SHROOM4: variants seen among roughly 807,000 people sequenced by gnomAD.
SHROOM4 encodes the protein protein Shroom4.
SHROOM4 carries 17 observed loss-of-function variants against 80.3 expected under a neutral mutation model. The ratio of observed to expected loss-of-function variants is 0.21; its 90% confidence interval spans 0.14 to 0.32. The LOEUF is 0.32. Ranked by LOEUF, SHROOM4 falls within the 10% of genes least tolerant of loss-of-function variation. The pLI is 1.00. For missense variants in SHROOM4, 993 were observed against 1,140.3 expected (o/e 0.87, Z 1.86); for synonymous variants, 400 against 437.5 (o/e 0.91, Z 1.07).
chrX:50,795,053 T>G (rs200749740), intron 1 of SHROOM4, among the ~76,000 whole-genome samples: 2 of 49,895 alleles, frequency 4.0e-5, no homozygotes, highest in African/African-American at 1.4e-4. Context: ...ATATATATGA[T>G]ATATATATGA....
chrX:50,629,420 G>A (rs1673490345), intron 4 of SHROOM4, among the ~76,000 whole-genome samples: 1 of 111,796 alleles, frequency 8.9e-6, no homozygotes. Flanking sequence ...TGCGGCCTCA[G>A]GCAAGCCATT....
chrX:50,653,296 T>G (rs969288993), intron 2 of SHROOM4, among the ~76,000 whole-genome samples: 2 of 111,449 alleles, frequency 1.8e-5, no homozygotes, highest in Admixed American at 9.6e-5. Flanking sequence ...TTGTAAGTTG[T>G]ATTCCTAGGT....
Position 50,674,218 on chromosome X carries a change from T to C in SHROOM4, c.269+21568A>G, listed in dbSNP as rs782557579. 4.5e-5 allele frequency among the ~76,000 whole-genome samples: 5 copies of C among 111,575 alleles called. No individual in the cohort carries two copies. The South Asian group carries it at 1.9e-3, about 41-fold the overall frequency. ...AGTTCCTATCAAAATCTCATCAAGA[T>C]ATTTTCTTGATATAGACACAATTGT... On this transcript the variant is annotated intron_variant, in intron 2 of 8. Transcript: ENST00000376020.
chrX:50,727,787 C>T (rs1429150047), intron 1 of SHROOM4, among the ~76,000 whole-genome samples: 1 of 111,729 alleles, frequency 9.0e-6, no homozygotes, highest in African/African-American at 3.3e-5. Flanking sequence ...TGAATATACC[C>T]TATACCAGGA....
chrX:50,757,120 G>A (rs1237193687), intron 1 of SHROOM4, among the ~76,000 whole-genome samples: 1 of 112,114 alleles, frequency 8.9e-6, no homozygotes, highest in African/African-American at 3.2e-5. Flanking sequence ...TATAGTTTAA[G>A]CTCTTATACT....
intron 5 of SHROOM4, among the ~76,000 whole-genome samples, chrX:50,618,358 T>A (rs1317323040): frequency 9.7e-5 from 2 of 20,538 alleles, no homozygotes; most frequent in African/African-American, 4.4e-4. Flanking sequence ...CTTCCTTCCT[T>A]CCTTCCTTCC....
rs926620651 is a variant in SHROOM4, at chrX:50,641,358, A to T, written c.270-3050T>A. 2.0e-4 allele frequency among the ~76,000 whole-genome samples: 22 copies of T among 112,518 alleles called. No individual in the cohort carries two copies. The Admixed American group carries it at 2.0e-3, about 10-fold the overall frequency. On this transcript the variant is annotated intron_variant, in intron 2 of 8. Coordinates refer to ENST00000376020, the MANE Select transcript of SHROOM4 (RefSeq NM_020717.5). ...ATCTGAAATTTAGTTTTCTTATCTG[A>T]GAAAGGAAACAATAATTCCTATCTG...
chrX:50,691,062 C>T (rs1933207865), intron 2 of SHROOM4, among the ~76,000 whole-genome samples: 1 of 112,462 alleles, frequency 8.9e-6, no homozygotes, highest in Non-Finnish European at 1.9e-5. Flanking sequence ...AGTCTATAAA[C>T]AATTTTCAAA....
chrX:50,697,679 C>G (rs1164886842), intron 1 of SHROOM4, among the ~76,000 whole-genome samples: 1 of 111,573 alleles, frequency 9.0e-6, no homozygotes, highest in Non-Finnish European at 1.9e-5. Flanking sequence ...ACACTCAACA[C>G]CAAACAAGCC....
At position 50,717,265 on chromosome X, in the gene SHROOM4, T is replaced by G. The variant is rs1933980786; in HGVS notation, c.118-21328A>C. 3.6e-5 allele frequency among the ~76,000 whole-genome samples: 4 copies of G among 111,875 alleles called. No individual in the cohort carries two copies. In the South Asian group the frequency reaches 1.5e-3, roughly 42 times the overall value. Reference sequence around the variant, plus strand: ...ACAGAGTCTTGCTCCATCACCAGGCTGCAGTGCATTGGTGCGATCTCAGCT... The same window carrying G: ...ACAGAGTCTTGCTCCATCACCAGGCGGCAGTGCATTGGTGCGATCTCAGCT... On this transcript the variant is annotated intron_variant, in intron 1 of 8. Transcript: ENST00000376020.
chrX:50,638,915 C>G (rs1602393749), intron 2 of SHROOM4, among the ~76,000 whole-genome samples: 1 of 112,525 alleles, frequency 8.9e-6, no homozygotes, highest in African/African-American at 3.2e-5. Flanking sequence ...TAGGTATTGA[C>G]AGAGTGAAAG....
At chrX:50,813,328 G>C (rs1557273670) in intron 1 of SHROOM4, among the ~76,000 whole-genome samples, 1 of 112,061 alleles carries the variant, frequency 8.9e-6, no homozygotes, top group South Asian at 3.7e-4. Context: ...CGAACCGGCG[G>C]CAACAACGCC....
At chrX:50,791,169 A>G (rs1557271485) in intron 1 of SHROOM4, among the ~76,000 whole-genome samples, 2 of 111,105 alleles carry the variant, frequency 1.8e-5, no homozygotes, top group Non-Finnish European at 3.8e-5. Flanking sequence ...TACACTAACA[A>G]TGTACTACCT....
chrX:50,738,388 T>G (rs1387383067), intron 1 of SHROOM4, among the ~76,000 whole-genome samples: 1 of 111,018 alleles, frequency 9.0e-6, no homozygotes, highest in Non-Finnish European at 1.9e-5. Context: ...GAAGTCAAAT[T>G]GTCCTTGTTT....
chrX:50,721,172 TA>T (rs1341992878), intron 1 of SHROOM4, among the ~76,000 whole-genome samples: 1 of 111,689 alleles, frequency 9.0e-6, no homozygotes, highest in African/African-American at 3.3e-5. Context: ...GCTCAGAAAC[TA>T]CTGACTCCAG....
intron 2 of SHROOM4, among the ~76,000 whole-genome samples, chrX:50,690,953 CAAGACTCTAT>C (rs1289749162): frequency 8.9e-6 from 1 of 112,538 alleles, no homozygotes; most frequent in African/African-American, 3.2e-5. Flanking sequence ...GGCAACAAAG[CAAGACTCTAT>C]CTCAAAAAAA....
Position 50,592,414 on chromosome X carries a change from A to G in SHROOM4, c.*4281T>C, listed in dbSNP as rs1009466178. The G allele has an allele frequency of 8.4e-6, 2 of 236,695 alleles. No homozygotes were observed. Among genetic ancestry groups the G allele is most frequent in the African/African-American group, 5.8e-5 (2 of 34,528 alleles). The allele number at this position is 236,695 out of a possible 1,213,427, so 19.5% of individuals were successfully genotyped here. The stretch of plus-strand genomic sequence containing the variant: ...ATAATACTGTTCCCATTTTACAGAT[A>G]AGAAAATGACCTCAGAAGTTGAGCT... On this transcript the variant is annotated 3_prime_UTR_variant, in exon 9 of 9. Coordinates refer to ENST00000376020, the MANE Select transcript of SHROOM4 (RefSeq NM_020717.5).
intron 2 of SHROOM4, among the ~76,000 whole-genome samples, chrX:50,694,172 G>T (rs1190272559): frequency 9.0e-6 from 1 of 111,294 alleles, no homozygotes; most frequent in Non-Finnish European, 1.9e-5. Context: ...CAATAAACAT[G>T]GGGGTGCAGA....
intron 1 of SHROOM4, among the ~76,000 whole-genome samples, chrX:50,717,011 G>C (rs1557264913): frequency 8.9e-6 from 1 of 112,346 alleles, no homozygotes; most frequent in Non-Finnish European, 1.9e-5. Flanking sequence ...TACGATGCCT[G>C]CTTCCCAGGA....
Sources: gnomAD v4.1 joint callset for allele counts (sites outside exome capture counted in the v4.1 genomes callset) on GRCh38, gnomAD v4.1.1 for gene constraint, MANE v1.5 for transcripts, NCBI Gene and HGNC (gene_info 2026-07-23, HGNC 2026-07-21) for gene names.